The following CSMD1 variants were observed in gnomAD, a reference collection of about 807,000 sequenced individuals.
CSMD1 encodes CUB and Sushi multiple domains 1.
CSMD1 carries 213 observed loss-of-function variants against 417.5 expected under a neutral mutation model. That is an observed-to-expected ratio of 0.51 (90% confidence interval 0.46 to 0.57). The LOEUF (loss-of-function observed/expected upper bound fraction) is 0.57, where lower values mean the gene tolerates loss of function less well. Among genes scored for constraint, CSMD1 ranks in the 20% least tolerant of loss-of-function variants. The probability of loss-of-function intolerance (pLI) is 0.00; values close to 1 mark genes in which losing one functional copy is unlikely to be tolerated. For missense variants in CSMD1, 6,923 were observed against 4,529.7 expected (o/e 1.53, Z -15.17); for synonymous variants, 2,862 against 1,736.8 (o/e 1.65, Z -16.11).
chr8:4,391,625 G>A (rs1803855520), intron 3 of CSMD1, among the ~76,000 whole-genome samples: 1 of 152,052 alleles, frequency 6.6e-6, no homozygotes, highest in African/African-American at 2.4e-5. Context: ...AGCAGAGGAA[G>A]TGAAATACAC....
At chr8:3,496,114 T>C (rs1796353676) in intron 10 of CSMD1, among the ~76,000 whole-genome samples, 1 of 152,204 alleles carries the variant, frequency 6.6e-6, no homozygotes, top group Non-Finnish European at 1.5e-5. Context: ...TGTGTTCATG[T>C]GTTCTCATTG....
chr8:4,190,957 G>C (rs1022370279), intron 3 of CSMD1, among the ~76,000 whole-genome samples: 2 of 151,926 alleles, frequency 1.3e-5, no homozygotes, highest in Non-Finnish European at 2.9e-5. Flanking sequence ...GGAGAGTGGG[G>C]GGGGCGGGGA....
intron 3 of CSMD1, among the ~76,000 whole-genome samples, chr8:4,323,903 T>C (rs1454279345): frequency 6.6e-6 from 1 of 152,058 alleles, no homozygotes; most frequent in Non-Finnish European, 1.5e-5. Flanking sequence ...AGTCTTGGAG[T>C]TCTGAGCCTG....
intron 10 of CSMD1, among the ~76,000 whole-genome samples, chr8:3,566,830 A>T (rs1585380971): frequency 6.6e-6 from 1 of 152,188 alleles, no homozygotes; most frequent in Admixed American, 6.5e-5. Flanking sequence ...ACTGTTGGTG[A>T]GAGTGTAAAC....
intron 51 of CSMD1, among the ~76,000 whole-genome samples, chr8:3,027,014 T>G (rs921950849): frequency 5.9e-5 from 9 of 152,114 alleles, no homozygotes; most frequent in African/African-American, 2.2e-4. Flanking sequence ...CATCCCAATT[T>G]AAACAAAAAG....
At chr8:3,877,807 A>G (rs150134153) in intron 5 of CSMD1, among the ~76,000 whole-genome samples, 110 of 152,332 alleles carry the variant, frequency 7.2e-4, no homozygotes, top group Non-Finnish European at 1.3e-3. Context: ...GAACATTATC[A>G]TGGAGATTGT....
In CSMD1 at chr8:4,605,544, G is replaced by A. The variant is rs575155726; in HGVS notation, c.302+31798C>T. Among the ~76,000 whole-genome samples, 304 of 152,232 alleles carry A rather than the reference G, an allele frequency of 2.0e-3. 2 individuals carry two copies. Among genetic ancestry groups the A allele is most frequent in the African/African-American group, 7.1e-3 (294 of 41,540 alleles). ...GAGTTAACAGAAAAATTACAATTACGCAAATGATAATTATCTTTTCTCTAA... is the reference window on the plus strand; with the variant it reads ...GAGTTAACAGAAAAATTACAATTACACAAATGATAATTATCTTTTCTCTAA... On this transcript the variant is annotated intron_variant, in intron 2 of 69. Transcript: ENST00000635120.
intron 5 of CSMD1, among the ~76,000 whole-genome samples, chr8:3,902,608 C>T (rs529916535): frequency 2.9e-4 from 44 of 152,124 alleles, no homozygotes; most frequent in African/African-American, 9.9e-4. Flanking sequence ...AATCTAATGT[C>T]GCCGCCGATC....
intron 3 of CSMD1, among the ~76,000 whole-genome samples, chr8:4,131,731 A>G (rs917767837): frequency 1.3e-5 from 2 of 150,430 alleles, no homozygotes; most frequent in African/African-American, 4.9e-5. Flanking sequence ...GTTGTTATCA[A>G]GATTAAATTA....
intron 2 of CSMD1, among the ~76,000 whole-genome samples, chr8:4,434,893 G>T (rs73658892): frequency 1.3e-5 from 2 of 152,086 alleles, no homozygotes; most frequent in East Asian, 1.9e-4. Flanking sequence ...AGAAAATGCT[G>T]TATTTTGTCA....
chr8:4,648,010 G>A lies in CSMD1; in HGVS notation c.86-10452C>T, dbSNP rs908610941. On this transcript the variant is annotated intron_variant, in intron 1 of 69. Coordinates refer to ENST00000635120, the MANE Select transcript of CSMD1 (RefSeq NM_033225.6). Reference sequence around the variant, plus strand: ...TGCCACACTGTCTTCCTCAGTTGTTGAACTAATTTCCATTCCCACCAACAG... The same window carrying A: ...TGCCACACTGTCTTCCTCAGTTGTTAAACTAATTTCCATTCCCACCAACAG... 3.3e-5 allele frequency among the ~76,000 whole-genome samples: 5 copies of A among 152,274 alleles called. No homozygotes were observed. The South Asian group carries it at 1.0e-3, about 32-fold the overall frequency.
intron 10 of CSMD1, among the ~76,000 whole-genome samples, chr8:3,569,068 A>T (rs1395945060): frequency 6.6e-6 from 1 of 152,224 alleles, no homozygotes; most frequent in Admixed American, 6.5e-5. Flanking sequence ...TACATATCAT[A>T]TAATATTACT....
At chr8:3,954,475 T>C (rs1249377686) in intron 5 of CSMD1, among the ~76,000 whole-genome samples, 2 of 152,210 alleles carry the variant, frequency 1.3e-5, no homozygotes, top group Admixed American at 6.5e-5. Context: ...CAGGCGATTC[T>C]GCTGCCTCAG....
At chr8:3,835,762 C>G (rs905967124) in intron 5 of CSMD1, among the ~76,000 whole-genome samples, 3 of 151,714 alleles carry the variant, frequency 2.0e-5, no homozygotes, top group Non-Finnish European at 2.9e-5. Flanking sequence ...CACCCTTAAC[C>G]CCACCATTTG....
At position 3,902,831 on chromosome 8, in the gene CSMD1, C is replaced by A. The variant is rs1253054335; in HGVS notation, c.818+95072G>T. ...TTAAATTACATAATGCACTGACTGG[C>A]CCATCTTGGATACTGAATAAATAGT... On this transcript the variant is annotated intron_variant, in intron 5 of 69. Transcript: ENST00000635120. Among the ~76,000 whole-genome samples, 3 of 151,674 alleles carry A rather than the reference C, an allele frequency of 2.0e-5. No homozygotes were observed. The East Asian group carries it at 5.8e-4, about 29-fold the overall frequency.
At chr8:2,999,435 T>A (rs1310422227) in intron 53 of CSMD1, among the ~76,000 whole-genome samples, 1 of 152,134 alleles carries the variant, frequency 6.6e-6, no homozygotes, top group Non-Finnish European at 1.5e-5. Flanking sequence ...ATTACAGGCG[T>A]GAGCCACCAC....
Position 4,566,513 on chromosome 8 carries a change from C to T in CSMD1, c.302+70829G>A, listed in dbSNP as rs1036818643. ...CTAAAAATACAAAAAATTAGCCGGG[C>T]GTGGTGGCGGGCGCCTGCAGTCCCA... On this transcript the variant is annotated intron_variant, in intron 2 of 69. Transcript: ENST00000635120. Among the ~76,000 whole-genome samples, 5 of 151,552 alleles carry T rather than the reference C, an allele frequency of 3.3e-5. No individual in the cohort carries two copies. The Middle Eastern group carries it at 9.5e-3, about 288-fold the overall frequency.
In CSMD1 at chr8:4,750,970, T is replaced by A. The variant is rs186893866; in HGVS notation, c.86-113412A>T. Among the ~76,000 whole-genome samples the A allele has an allele frequency of 1.6e-3, 248 of 152,354 alleles. 1 individual carries two copies. Among genetic ancestry groups the A allele is most frequent in the Non-Finnish European group, 3.0e-3 (205 of 68,028 alleles). On this transcript the variant is annotated intron_variant, in intron 1 of 69. Transcript: ENST00000635120. ...TACAGCCATGTCTGTATTGACACTT[T>A]AAGGGAAGGCTTTAACCTGGATTGT...
chr8:3,685,017 C>T lies in CSMD1; in HGVS notation c.1009+23397G>A, dbSNP rs1799875647. On this transcript the variant is annotated intron_variant, in intron 7 of 69. Transcript: ENST00000635120. ...AATATTTTTGGACTGAAGTGAGCTC[C>T]ACTTAGAAGGATCAGCATCATCCAA... Among the ~76,000 whole-genome samples the T allele has an allele frequency of 2.6e-5, 4 of 152,014 alleles. 1 individual carries two copies. Among genetic ancestry groups the T allele is most frequent in the Admixed American group, 1.3e-4 (2 of 15,246 alleles).
Sources: gnomAD v4.1 joint callset for allele counts (sites outside exome capture counted in the v4.1 genomes callset) on GRCh38, gnomAD v4.1.1 for gene constraint, MANE v1.5 for transcripts, NCBI Gene and HGNC (gene_info 2026-07-23, HGNC 2026-07-21) for gene names.